CAMK1D: variants seen among roughly 807,000 people sequenced by gnomAD.
The protein encoded by CAMK1D is calcium/calmodulin-dependent protein kinase type 1D.
CAMK1D carries 9 observed loss-of-function variants against 47.7 expected under a neutral mutation model. That is an observed-to-expected ratio of 0.19 (90% CI 0.11 to 0.33). The LOEUF (loss-of-function observed/expected upper bound fraction) is 0.33, where lower values mean the gene tolerates loss of function less well. Ranked by LOEUF, CAMK1D falls within the 10% of genes least tolerant of loss-of-function variation. CAMK1D has a pLI of 1.00. For missense variants in CAMK1D, 291 were observed against 488.7 expected, an observed-to-expected ratio of 0.60 and a Z score of 3.81; for synonymous variants, 184 against 184.9, an observed-to-expected ratio of 0.99 and a Z score of 0.04.
intron 1 of CAMK1D, among the ~76,000 whole-genome samples, chr10:12,540,099 C>CTT (rs776371449): frequency 7.2e-6 from 1 of 138,576 alleles, no homozygotes; most frequent in Non-Finnish European, 1.6e-5. Flanking sequence ...TTTTTCTTTT[C>CTT]TTTTTTTTTT....
At chr10:12,621,396 A>G (rs2132439584) in intron 2 of CAMK1D, among the ~76,000 whole-genome samples, 1 of 152,340 alleles carries the variant, frequency 6.6e-6, no homozygotes, top group African/African-American at 2.4e-5. Flanking sequence ...CTTTGAATCC[A>G]TGAATATAGT....
chr10:12,542,644 C>T (rs922465743), intron 1 of CAMK1D, among the ~76,000 whole-genome samples: 1 of 152,222 alleles, frequency 6.6e-6, no homozygotes, highest in Non-Finnish European at 1.5e-5. Flanking sequence ...CTAAAATATG[C>T]AAGTCACAGC....
intron 1 of CAMK1D, among the ~76,000 whole-genome samples, chr10:12,455,869 A>G (rs183782491): frequency 1.1e-4 from 16 of 152,368 alleles, no homozygotes; most frequent in Non-Finnish European, 2.1e-4. Flanking sequence ...ACAAAACCAT[A>G]TTAAACAAAG....
At chr10:12,776,809 C>A (rs1187114746) in intron 5 of CAMK1D, among the ~76,000 whole-genome samples, 1 of 152,068 alleles carries the variant, frequency 6.6e-6, no homozygotes, top group African/African-American at 2.4e-5. Flanking sequence ...AGATCTCCAA[C>A]AAAACACAAA....
chr10:12,535,977 G>GC (rs2132231790), intron 1 of CAMK1D, among the ~76,000 whole-genome samples: 1 of 152,252 alleles, frequency 6.6e-6, no homozygotes, highest in African/African-American at 2.4e-5. Context: ...TAACTGCTGT[G>GC]CTGGGATGCT....
intron 6 of CAMK1D, among the ~76,000 whole-genome samples, chr10:12,796,779 A>G (rs1838213985): frequency 1.3e-5 from 2 of 152,164 alleles, no homozygotes; most frequent in South Asian, 4.1e-4. Flanking sequence ...CATTCAGGCC[A>G]CTGTGGGCCC....
At chr10:12,684,409 A>G (rs1341733354) in intron 3 of CAMK1D, among the ~76,000 whole-genome samples, 1 of 152,132 alleles carries the variant, frequency 6.6e-6, no homozygotes, top group Non-Finnish European at 1.5e-5. Flanking sequence ...TTTCTGCTGA[A>G]TTATGCCAAG....
chr10:12,405,150 G>T (rs2131926894), intron 1 of CAMK1D, among the ~76,000 whole-genome samples: 1 of 152,222 alleles, frequency 6.6e-6, no homozygotes, highest in South Asian at 2.1e-4. Flanking sequence ...TCGTATTGTG[G>T]GTAAATGTGT....
chr10:12,583,273 G>A (rs1669053048), intron 2 of CAMK1D, among the ~76,000 whole-genome samples: 1 of 152,126 alleles, frequency 6.6e-6, no homozygotes, highest in Non-Finnish European at 1.5e-5. Flanking sequence ...CTCTTCTGCT[G>A]GGATGGTTCC....
intron 1 of CAMK1D, among the ~76,000 whole-genome samples, chr10:12,383,781 C>T (rs1838411378): frequency 1.3e-5 from 2 of 152,178 alleles, no homozygotes; most frequent in African/African-American, 4.8e-5. Flanking sequence ...GAACGCTTTA[C>T]CTTAACTAGC....
intron 3 of CAMK1D, among the ~76,000 whole-genome samples, chr10:12,706,770 ATC>A (rs1049791428): frequency 6.6e-6 from 1 of 151,804 alleles, no homozygotes; most frequent in African/African-American, 2.4e-5. Context: ...TGTAGAAAAG[ATC>A]TCTGTTTTCC....
chr10:12,561,809 C>T (rs12764878), intron 2 of CAMK1D, among the ~76,000 whole-genome samples: 48,305 of 152,140 alleles, frequency 0.32, 8,613 homozygotes, highest in Non-Finnish European at 0.4. Flanking sequence ...GATCCAGAAT[C>T]AATGCATTTC....
intron 5 of CAMK1D, among the ~76,000 whole-genome samples, chr10:12,785,531 A>C (rs1837683163): frequency 1.3e-5 from 2 of 152,154 alleles, no homozygotes; most frequent in Non-Finnish European, 2.9e-5. Flanking sequence ...TCCAGGCAGC[A>C]CTGGCCAGGA....
rs551052089 is a variant in CAMK1D, at chr10:12,615,675, G to T, written c.225-51061G>T. ...TATGTGTTTATTTGAAAGTGTATTT[G>T]TGTATAGGTGTGTGTGGTTTGTAGG... On this transcript the variant is annotated intron_variant, in intron 2 of 10. Coordinates refer to ENST00000619168, the MANE Select transcript of CAMK1D (RefSeq NM_153498.4). Among the ~76,000 whole-genome samples the T allele has an allele frequency of 1.3e-3, 189 of 147,036 alleles. 2 individuals are homozygous for T. Among genetic ancestry groups the T allele is most frequent in the Non-Finnish European group, 2.1e-3 (142 of 67,670 alleles).
At chr10:12,654,202 C>A (rs1488478226) in intron 2 of CAMK1D, among the ~76,000 whole-genome samples, 2 of 152,220 alleles carry the variant, frequency 1.3e-5, no homozygotes, top group Non-Finnish European at 2.9e-5. Context: ...TACACCCCAG[C>A]AGTTCTGTGT....
intron 5 of CAMK1D, among the ~76,000 whole-genome samples, chr10:12,790,614 C>T (rs538820684): frequency 1.4e-4 from 7 of 49,166 alleles, no homozygotes; most frequent in African/African-American, 5.2e-4. Context: ...CACACACACG[C>T]ACACACACAC....
At chr10:12,513,118 G>A (rs988275148) in intron 1 of CAMK1D, among the ~76,000 whole-genome samples, 1 of 152,194 alleles carries the variant, frequency 6.6e-6, no homozygotes, top group Non-Finnish European at 1.5e-5. Context: ...GTTTCTGGCT[G>A]CAGCTGCCTA....
chr10:12,819,019 C>T (rs1468574737), intron 8 of CAMK1D, among the ~76,000 whole-genome samples: 1 of 152,172 alleles, frequency 6.6e-6, no homozygotes, highest in Non-Finnish European at 1.5e-5. Flanking sequence ...ATAAAAATGA[C>T]CTCAATAAAA....
chr10:12,801,443 C>G (rs1218069246), intron 6 of CAMK1D, among the ~76,000 whole-genome samples: 1 of 151,376 alleles, frequency 6.6e-6, no homozygotes, highest in Non-Finnish European at 1.5e-5. Flanking sequence ...ATTCATCCAT[C>G]CATCCATTCA....
Sources: allele counts gnomAD v4.1 joint callset (sites outside exome capture counted in the v4.1 genomes callset), GRCh38; gene constraint gnomAD v4.1.1; transcripts MANE v1.5; gene names NCBI Gene and HGNC (gene_info 2026-07-23, HGNC 2026-07-21).